Variants in NME7 observed in about 807,000 individuals in gnomAD.
The protein encoded by NME7 is NME/NM23 family member 7.
A neutral mutation model predicts 49.1 loss-of-function variants in NME7; 41 were observed. The ratio of observed to expected loss-of-function variants is 0.83; its 90% CI spans 0.65 to 1.08. The LOEUF is 1.08. NME7 is among the 50% of genes least tolerant of loss of function. NME7 has a pLI of 0.00. For synonymous variants in NME7, 139 were observed against 150.6 expected, an observed-to-expected ratio of 0.92 and a Z score of 0.56; for missense variants, 423 against 463.4, an observed-to-expected ratio of 0.91 and a Z score of 0.80.
In NME7 at chr1:169,268,251, C is replaced by G. The variant is rs902972260; in HGVS notation, c.754+19052G>C. On this transcript the variant is annotated intron_variant, in intron 7 of 11. Coordinates refer to ENST00000367811, the MANE Select transcript of NME7 (RefSeq NM_013330.5). ...AACCACAGTGAGATACCATCTCACA[C>G]CAGTCAGAATGGCTATTACTAAAAA... Among the ~76,000 whole-genome samples the G allele has an allele frequency of 3.7e-5, 5 of 133,462 alleles. 2 individuals carry two copies. The highest frequency in any genetic ancestry group is 1.3e-4 in the African/African-American group (5 of 39,422). 87.6% of individuals were successfully genotyped at this position (133,462 alleles called of 152,430 possible).
At chr1:169,183,173 A>G (rs1277710407) in intron 10 of NME7, among the ~76,000 whole-genome samples, 1 of 152,238 alleles carries the variant, frequency 6.6e-6, no homozygotes, top group African/African-American at 2.4e-5. Context: ...CCACTAGAAT[A>G]GCATTAAGTT....
At chr1:169,175,356 C>G (rs1312794162) in intron 10 of NME7, among the ~76,000 whole-genome samples, 1 of 152,024 alleles carries the variant, frequency 6.6e-6, no homozygotes, top group Non-Finnish European at 1.5e-5. Flanking sequence ...TTACAGTTAA[C>G]TTTTTTTCTA....
chr1:169,302,602 G>C (rs370979095), intron 5 of NME7, among the ~76,000 whole-genome samples: 66 of 152,084 alleles, frequency 4.3e-4, no homozygotes, highest in African/African-American at 1.5e-3. Flanking sequence ...CAGACACTGG[G>C]GACTACTAGA....
chr1:169,343,145 C>A (rs1380421653), intron 1 of NME7, among the ~76,000 whole-genome samples: 2 of 151,026 alleles, frequency 1.3e-5, no homozygotes, highest in Non-Finnish European at 2.9e-5. Context: ...CCTTTGGTCA[C>A]TTGTGTTTTG....
chr1:169,257,767 C>CT (rs1649016266), intron 7 of NME7, among the ~76,000 whole-genome samples: 3 of 134,250 alleles, frequency 2.2e-5, no homozygotes, highest in Admixed American at 2.2e-4. Context: ...CTGAAAATGA[C>CT]TTTAATTCTC....
chr1:169,355,040 TAG>T lies in NME7; in HGVS notation c.3+12666_3+12667del, dbSNP rs1346538782. Among the ~76,000 whole-genome samples the T allele has an allele frequency of 1.6e-3, 124 of 79,614 alleles. 26 individuals are homozygous for T. In the East Asian group the frequency reaches 0.021, roughly 13 times the overall value. 52.2% of individuals were successfully genotyped at this position (79,614 alleles called of 152,430 possible). On this transcript the variant is annotated intron_variant, in intron 1 of 11. Transcript: ENST00000367811. ...TAATATAATTATATATTATATATTA[TAG>T]ATATAATATATAATATACTATATAT... is the stretch of plus-strand genomic sequence containing the variant.
At chr1:169,150,714 C>T (rs1658888968) in intron 11 of NME7, among the ~76,000 whole-genome samples, 1 of 146,214 alleles carries the variant, frequency 6.8e-6, no homozygotes, top group African/African-American at 2.5e-5. Context: ...ATTGTACTGC[C>T]AGGTGACAGA....
rs574945168 is a variant in NME7 at position 169,294,021 on chromosome 1, G to A, written c.648+4535C>T. Among the ~76,000 whole-genome samples the A allele has an allele frequency of 2.6e-4, 40 of 151,734 alleles. 1 individual carries two copies. Among genetic ancestry groups the A allele is most frequent in the African/African-American group, 9.4e-4 (39 of 41,414 alleles). Reference sequence around the variant, plus strand: ...TATATCAAGATTACTATTGATTTTTGTATACTAATATTACATCCAGTACAA... The same window carrying A: ...TATATCAAGATTACTATTGATTTTTATATACTAATATTACATCCAGTACAA... On this transcript the variant is annotated intron_variant, in intron 6 of 11. Transcript: ENST00000367811.
intron 1 of NME7, among the ~76,000 whole-genome samples, chr1:169,355,702 C>T (rs1184442568): frequency 6.6e-6 from 1 of 151,988 alleles, no homozygotes; most frequent in African/African-American, 2.4e-5. Flanking sequence ...ACTCATATGT[C>T]AGCAATGTAA....
intron 10 of NME7, among the ~76,000 whole-genome samples, chr1:169,175,174 T>C (rs1659717834): frequency 6.6e-6 from 1 of 152,088 alleles, no homozygotes; most frequent in Admixed American, 6.6e-5. Context: ...CACAAACACA[T>C]GCATTAGCCT....
intron 11 of NME7, among the ~76,000 whole-genome samples, chr1:169,154,340 G>A (rs1360497673): frequency 6.6e-6 from 1 of 151,838 alleles, no homozygotes; most frequent in East Asian, 1.9e-4. Flanking sequence ...AACAATACCT[G>A]GTGAAATGAC....
chr1:169,173,047 AGGAT>A, intron 10 of NME7, among the ~76,000 whole-genome samples: 1 of 152,348 alleles, frequency 6.6e-6, no homozygotes, highest in Non-Finnish European at 1.5e-5. Context: ...TCAGAGTGTC[AGGAT>A]GGAGTAGCAA....
chr1:169,151,842 G>A (rs75003230), intron 11 of NME7, among the ~76,000 whole-genome samples: 2,027 of 152,096 alleles, frequency 0.013, 47 homozygotes, highest in African/African-American at 0.047. Context: ...CTCCTCCCTC[G>A]GGTTCATTGC....
chr1:169,155,392 C>T (rs973456420), intron 11 of NME7, among the ~76,000 whole-genome samples: 2 of 152,200 alleles, frequency 1.3e-5, no homozygotes, highest in Non-Finnish European at 2.9e-5. Flanking sequence ...GCAGTATTTT[C>T]TCACTGACGT....
At chr1:169,185,869 T>A (rs566303354) in intron 10 of NME7, among the ~76,000 whole-genome samples, 2 of 152,104 alleles carry the variant, frequency 1.3e-5, no homozygotes, top group Non-Finnish European at 2.9e-5. Flanking sequence ...GATAAATACA[T>A]TAGAATTAGA....
At chr1:169,341,250 C>T (rs531883873) in intron 1 of NME7, among the ~76,000 whole-genome samples, 2 of 152,252 alleles carry the variant, frequency 1.3e-5, no homozygotes, top group African/African-American at 4.8e-5. Context: ...TAAAAGGGGC[C>T]AAGATACAGC....
chr1:169,288,143 C>T (rs1442123353), intron 6 of NME7, among the ~76,000 whole-genome samples: 7 of 152,164 alleles, frequency 4.6e-5, no homozygotes, highest in African/African-American at 1.2e-4. Context: ...ATACCACTTT[C>T]CACTAGGAGG....
At chr1:169,230,202 C>T (rs1260165544) in intron 10 of NME7, among the ~76,000 whole-genome samples, 1 of 152,070 alleles carries the variant, frequency 6.6e-6, no homozygotes, top group Admixed American at 6.6e-5. Flanking sequence ...TACACCTATA[C>T]ACACATACAT....
Position 169,271,259 on chromosome 1 carries a change from G to C in NME7, c.754+16044C>G, listed in dbSNP as rs1176239203. The stretch of plus-strand genomic sequence containing the variant: ...ACATGACTACTACTTGTGCCAAGAA[G>C]TTTCTTGCCCAGAAAGATAAGGCAG... On this transcript the variant is annotated intron_variant, in intron 7 of 11. Transcript: ENST00000367811. Among the ~76,000 whole-genome samples, 4 of 133,342 alleles carry C rather than the reference G, an allele frequency of 3.0e-5. 1 individual carries two copies. The highest frequency in any genetic ancestry group is 7.0e-5 in the Non-Finnish European group (4 of 56,866). 87.5% of individuals were successfully genotyped at this position (133,342 alleles called of 152,430 possible). A position where few individuals can be genotyped will look rare whatever the true frequency, so the allele number is the denominator to read the frequency against.
Sources: gnomAD v4.1 joint callset for allele counts (sites outside exome capture counted in the v4.1 genomes callset) on GRCh38, gnomAD v4.1.1 for gene constraint, MANE v1.5 for transcripts, NCBI Gene and HGNC (gene_info 2026-07-23, HGNC 2026-07-21) for gene names.